The following NXPE1 variants were observed in gnomAD, a reference collection of about 807,000 sequenced individuals.
NXPE1 encodes the protein NXPE family member 1.
A neutral mutation model predicts 33.3 loss-of-function variants in NXPE1; 31 were observed. The ratio of observed to expected loss-of-function variants is 0.93; its 90% CI spans 0.70 to 1.26. The LOEUF (loss-of-function observed/expected upper bound fraction) is 1.26. Ranked by LOEUF, NXPE1 falls within the 50% of genes most tolerant of loss-of-function variation. The pLI, the probability that NXPE1 is intolerant of heterozygous loss-of-function variation, is 0.00. For missense variants in NXPE1, 661 were observed against 655.6 expected (o/e 1.01, Z -0.09); for synonymous variants, 229 against 231.4 (o/e 0.99, Z 0.09).
At chr11:114,525,358 A>G (rs1016813406) in intron 7 of NXPE1, among the ~76,000 whole-genome samples, 1 of 152,004 alleles carries the variant, frequency 6.6e-6, no homozygotes, top group African/African-American at 2.4e-5. Context: ...AAACCTGTGA[A>G]TATGTTGAAG....
At chr11:114,526,955 A>G (rs950736427) in intron 7 of NXPE1, among the ~76,000 whole-genome samples, 2 of 152,196 alleles carry the variant, frequency 1.3e-5, no homozygotes, top group Non-Finnish European at 2.9e-5. Context: ...GACTACACGT[A>G]TCCTTCAGGA....
intron 5 of NXPE1, among the ~76,000 whole-genome samples, chr11:114,542,112 T>C (rs1050701102): frequency 6.6e-6 from 1 of 152,218 alleles, no homozygotes; most frequent in African/African-American, 2.4e-5. Flanking sequence ...ATGATTATTA[T>C]ATCTGCTTTG....
intron 1 of NXPE1, among the ~76,000 whole-genome samples, chr11:114,557,634 CAT>C (rs4019608): frequency 0.033 from 4,265 of 127,588 alleles, 61 homozygotes; most frequent in Non-Finnish European, 0.039. Flanking sequence ...ATATATAATA[CAT>C]ATATATATAT....
At chr11:114,554,562 T>C (rs1336454545) in intron 1 of NXPE1, among the ~76,000 whole-genome samples, 3 of 152,244 alleles carry the variant, frequency 2.0e-5, no homozygotes, top group African/African-American at 7.2e-5. Context: ...TAATTTGTTA[T>C]ATAGTCAAAT....
intron 1 of NXPE1, among the ~76,000 whole-genome samples, chr11:114,558,897 A>G (rs1173440308): frequency 6.6e-6 from 1 of 152,206 alleles, no homozygotes; most frequent in East Asian, 1.9e-4. Context: ...AGTTGATTAT[A>G]TGTATAGCTG....
At chr11:114,527,849 T>C (rs1947425669) in exon 7 of NXPE1, 1 of 1,606,860 alleles carries the variant, frequency 6.2e-7, no homozygotes, top group African/African-American at 1.3e-5. Context: ...CTGTTACAAT[T>C]AGTGACATCA....
intron 5 of NXPE1, among the ~76,000 whole-genome samples, chr11:114,534,104 A>G (rs1490870215): frequency 2.0e-5 from 3 of 152,216 alleles, no homozygotes; most frequent in African/African-American, 7.2e-5. Flanking sequence ...AGGAACGATC[A>G]GGCAGCAGCA....
exon 6 of NXPE1, chr11:114,530,664 C>T (rs1947546410): frequency 1.2e-6 from 2 of 1,614,198 alleles, no homozygotes; most frequent in Non-Finnish European, 8.5e-7. Flanking sequence ...CAGCTGGTCT[C>T]CCCTGCAGTA....
At chr11:114,545,880 G>A (rs1948262258) in intron 5 of NXPE1, among the ~76,000 whole-genome samples, 1 of 151,848 alleles carries the variant, frequency 6.6e-6, no homozygotes, top group Non-Finnish European at 1.5e-5. Context: ...TAATAGAGAT[G>A]GAATGTCACC....
At chr11:114,533,499 C>G (rs550733141) in intron 5 of NXPE1, among the ~76,000 whole-genome samples, 22 of 152,284 alleles carry the variant, frequency 1.4e-4, no homozygotes, top group Non-Finnish European at 2.8e-4. Flanking sequence ...TCGCCTCACC[C>G]GGGAAGCACA....
chr11:114,530,065 T>A (rs1242657926), intron 6 of NXPE1, 110 bp downstream of exon 6: 1 of 1,165,636 alleles, frequency 8.6e-7, no homozygotes, highest in Non-Finnish European at 1.2e-6. Context: ...ATGTCTTACC[T>A]TGAGTACAGG....
chr11:114,531,495 C>T (rs942829588), intron 5 of NXPE1, among the ~76,000 whole-genome samples: 7 of 152,166 alleles, frequency 4.6e-5, no homozygotes, highest in Non-Finnish European at 8.8e-5. Context: ...TCTTCTGTTG[C>T]TAAACCAGTC....
In NXPE1 at chr11:114,552,897, G is replaced by A; in HGVS notation, c.-210-17C>T. 1.0e-6 allele frequency: 1 copy of A among 966,824 alleles called. No individual in the cohort carries two copies. The highest frequency in any genetic ancestry group is 1.2e-6 in the Non-Finnish European group (1 of 813,376). The allele number at this position is 966,824 out of a possible 1,614,324, so 59.9% of individuals were successfully genotyped here. Reference sequence around the variant, plus strand: ...CAGAATGCACTGAAAATAAGGAGAAGCAGCAAAATTAATGAAATAAACATT... The same window carrying A: ...CAGAATGCACTGAAAATAAGGAGAAACAGCAAAATTAATGAAATAAACATT... On this transcript the variant is annotated splice_polypyrimidine_tract_variant and intron_variant, in intron 1 of 8. Coordinates refer to ENST00000534921, the Ensembl canonical transcript of NXPE1.
chr11:114,554,510 G>A (rs950447280), intron 1 of NXPE1: 17 of 400,384 alleles, frequency 4.2e-5, no homozygotes, highest in Admixed American at 3.2e-4. Context: ...TATAACAAAA[G>A]CCAATTATAC....
Position 114,540,618 on chromosome 11 carries a change from A to G in NXPE1, c.100-9710T>C, listed in dbSNP as rs1273357541. Among the ~76,000 whole-genome samples the G allele has an allele frequency of 2.6e-5, 4 of 152,184 alleles. No individual in the cohort carries two copies. The East Asian group carries it at 5.8e-4, about 22-fold the overall frequency. On this transcript the variant is annotated intron_variant, in intron 5 of 8. Transcript: ENST00000534921. ...GAGTTCTGTTTCAATATGACCAAGT[A>G]ACTTGTGACTCTCTTTCAGATTGCA...
At chr11:114,533,461 C>G (rs994961613) in intron 5 of NXPE1, among the ~76,000 whole-genome samples, 1 of 152,088 alleles carries the variant, frequency 6.6e-6, no homozygotes, top group Non-Finnish European at 1.5e-5. Flanking sequence ...TGCAGCACAC[C>G]GTGCATGAGC....
chr11:114,545,937 C>T (rs1948265573), intron 5 of NXPE1, among the ~76,000 whole-genome samples: 1 of 152,130 alleles, frequency 6.6e-6, no homozygotes, highest in South Asian at 2.1e-4. Flanking sequence ...GATCCACCCA[C>T]CTCGGCCTCC....
chr11:114,536,796 T>C (rs899835271), intron 5 of NXPE1, among the ~76,000 whole-genome samples: 1 of 152,096 alleles, frequency 6.6e-6, no homozygotes, highest in African/African-American at 2.4e-5. Flanking sequence ...ATTAATAGCT[T>C]ACCAACCAAA....
intron 5 of NXPE1, among the ~76,000 whole-genome samples, chr11:114,544,558 A>G (rs952113570): frequency 4.6e-5 from 7 of 152,192 alleles, no homozygotes; most frequent in African/African-American, 1.4e-4. Flanking sequence ...AGACCTCACA[A>G]TTGACAGAAA....
Sources: allele counts gnomAD v4.1 joint callset (sites outside exome capture counted in the v4.1 genomes callset), GRCh38; gene constraint gnomAD v4.1.1; transcripts MANE v1.5; gene names NCBI Gene and HGNC (gene_info 2026-07-23, HGNC 2026-07-21).